Variants in POU6F2 observed in about 807,000 individuals in gnomAD.
POU6F2 encodes the protein POU domain, class 6, transcription factor 2.
POU6F2 carries 31 observed loss-of-function variants against 71.3 expected under a neutral mutation model. The ratio of observed to expected loss-of-function variants is 0.43; its 90% CI spans 0.33 to 0.59. The LOEUF (loss-of-function observed/expected upper bound fraction) is 0.59, where lower values mean the gene tolerates loss of function less well. Ranked by LOEUF, POU6F2 falls within the 20% of genes least tolerant of loss-of-function variation. The pLI is 0.04. For synonymous variants in POU6F2, 347 were observed against 355.7 expected, an observed-to-expected ratio of 0.98 and a Z score of 0.27; for missense variants, 783 against 856.8, an observed-to-expected ratio of 0.91 and a Z score of 1.07.
chr7:39,181,913 T>C (rs1793443706), intron 2 of POU6F2, among the ~76,000 whole-genome samples: 1 of 152,240 alleles, frequency 6.6e-6, no homozygotes, highest in Non-Finnish European at 1.5e-5. Context: ...TTCCCACCTC[T>C]TTCAGAAGCT....
chr7:39,440,917 G>A (rs1788387407), intron 7 of POU6F2, among the ~76,000 whole-genome samples: 1 of 152,070 alleles, frequency 6.6e-6, no homozygotes, highest in African/African-American at 2.4e-5. Flanking sequence ...GTTGCTTTCT[G>A]CTTGTTTTCC....
intron 2 of POU6F2, among the ~76,000 whole-genome samples, chr7:39,141,854 G>A (rs1319573353): frequency 2.6e-5 from 4 of 152,264 alleles, no homozygotes; most frequent in South Asian, 2.1e-4. Context: ...TTGGGAGGCC[G>A]AGGTGAGCGG....
chr7:39,115,577 A>G (rs1791911634), intron 2 of POU6F2, among the ~76,000 whole-genome samples: 1 of 152,192 alleles, frequency 6.6e-6, no homozygotes, highest in Non-Finnish European at 1.5e-5. Context: ...CTAGGATTAC[A>G]TGGAAATCTT....
chr7:39,067,108 A>G (rs1262923111), intron 1 of POU6F2, among the ~76,000 whole-genome samples: 3 of 149,772 alleles, frequency 2.0e-5, no homozygotes, highest in Admixed American at 1.3e-4. Flanking sequence ...ATGGCATTAT[A>G]TATCATCACA....
chr7:39,097,502 G>A (rs1791478717), intron 2 of POU6F2, among the ~76,000 whole-genome samples: 3 of 151,948 alleles, frequency 2.0e-5, no homozygotes, highest in Admixed American at 2.0e-4. Context: ...TCTCACTTTT[G>A]TGCCACTTTC....
At chr7:39,419,085 G>A (rs543323764) in intron 6 of POU6F2, among the ~76,000 whole-genome samples, 28 of 135,852 alleles carry the variant, frequency 2.1e-4, no homozygotes, top group Non-Finnish European at 2.2e-4. Flanking sequence ...ACATATATAC[G>A]TATATGTGTA....
chr7:39,156,224 C>T (rs575391707), intron 2 of POU6F2, among the ~76,000 whole-genome samples: 12 of 152,190 alleles, frequency 7.9e-5, no homozygotes, highest in South Asian at 6.2e-4. Flanking sequence ...ACAGTATGAT[C>T]GTAAACATGT....
intron 4 of POU6F2, among the ~76,000 whole-genome samples, chr7:39,258,650 A>G (rs1784070807): frequency 6.6e-6 from 1 of 152,092 alleles, no homozygotes; most frequent in African/African-American, 2.4e-5. Flanking sequence ...AAATTCACCA[A>G]TAGCCACAAA....
At chr7:39,055,314 C>T (rs555283511) in intron 1 of POU6F2, among the ~76,000 whole-genome samples, 47 of 152,130 alleles carry the variant, frequency 3.1e-4, no homozygotes, top group Admixed American at 5.2e-4. Context: ...AGAAAAGATG[C>T]AATGGTGGGA....
chr7:39,003,583 C>CA (rs10650128), intron 1 of POU6F2, among the ~76,000 whole-genome samples: 24,464 of 128,280 alleles, frequency 0.19, 2,395 homozygotes, highest in South Asian at 0.28. Flanking sequence ...ACTAAAAATA[C>CA]AAAAAAAAAA....
intron 1 of POU6F2, among the ~76,000 whole-genome samples, chr7:39,071,545 GACT>G (rs1790879779): frequency 6.6e-6 from 1 of 151,954 alleles, no homozygotes; most frequent in South Asian, 2.1e-4. Context: ...CAGGTATGGT[GACT>G]GACACCTGTA....
Position 39,443,225 on chromosome 7 carries a change from C to T in POU6F2, c.1321-8308C>T, listed in dbSNP as rs1485070315. 3.3e-5 allele frequency among the ~76,000 whole-genome samples: 5 copies of T among 152,300 alleles called. No individual in the cohort carries two copies. The East Asian group carries it at 7.7e-4, about 23-fold the overall frequency. ...GGAGATTAGCAACTGGAAAAAAAAGCCAGCTTCTTGGGGATGTACCTTGCA... is the reference window on the plus strand; with the variant it reads ...GGAGATTAGCAACTGGAAAAAAAAGTCAGCTTCTTGGGGATGTACCTTGCA... On this transcript the variant is annotated intron_variant, in intron 7 of 9. Coordinates refer to ENST00000518318, the MANE Select transcript of POU6F2 (RefSeq NM_001370959.1).
At chr7:39,350,803 AG>A in intron 5 of POU6F2, among the ~76,000 whole-genome samples, 1 of 152,372 alleles carries the variant, frequency 6.6e-6, no homozygotes, top group African/African-American at 2.4e-5. Flanking sequence ...CTTGCCTGGC[AG>A]GTGACTGTCT....
At chr7:39,084,473 G>C (rs570502617) in intron 1 of POU6F2, among the ~76,000 whole-genome samples, 23 of 152,172 alleles carry the variant, frequency 1.5e-4, no homozygotes, top group Non-Finnish European at 2.9e-4. Context: ...GAGTGCTTCA[G>C]CCTTAAATAG....
At chr7:39,077,415 CTGAT>C (rs1302074813) in intron 1 of POU6F2, among the ~76,000 whole-genome samples, 1 of 152,190 alleles carries the variant, frequency 6.6e-6, no homozygotes, top group African/African-American at 2.4e-5. Context: ...AAACTCCTGT[CTGAT>C]TGATTGTTAT....
intron 2 of POU6F2, among the ~76,000 whole-genome samples, chr7:39,127,357 C>A (rs1238517058): frequency 3.3e-5 from 5 of 152,156 alleles, no homozygotes; most frequent in African/African-American, 4.8e-5. Flanking sequence ...TTGGTAGTAT[C>A]TTGGCTTAGG....
In POU6F2 at chr7:39,044,036, C is replaced by T. The variant is rs572000941; in HGVS notation, c.106-41824C>T. On this transcript the variant is annotated intron_variant, in intron 1 of 9. Coordinates refer to ENST00000518318, the MANE Select transcript of POU6F2 (RefSeq NM_001370959.1). ...CCCTTCATCAGAATCACCAGGTTTCCAGGCCCTATCTCAGATGCATTGAAG... is the reference window on the plus strand; with the variant it reads ...CCCTTCATCAGAATCACCAGGTTTCTAGGCCCTATCTCAGATGCATTGAAG... 2.6e-5 allele frequency among the ~76,000 whole-genome samples: 4 copies of T among 151,954 alleles called. No homozygotes were observed. The South Asian group carries it at 8.3e-4, about 32-fold the overall frequency.
intron 6 of POU6F2, among the ~76,000 whole-genome samples, chr7:39,421,442 T>G (rs1420793940): frequency 2.6e-5 from 4 of 152,210 alleles, no homozygotes; most frequent in Non-Finnish European, 5.9e-5. Context: ...AGATGCATCT[T>G]TAATGGCACT....
At chr7:39,311,085 G>T in intron 4 of POU6F2, among the ~76,000 whole-genome samples, 1 of 152,194 alleles carries the variant, frequency 6.6e-6, no homozygotes, top group East Asian at 1.9e-4. Context: ...CCGGAGAGCA[G>T]GGAGTGGGTT....
Sources: allele counts gnomAD v4.1 joint callset (sites outside exome capture counted in the v4.1 genomes callset), GRCh38; gene constraint gnomAD v4.1.1; transcripts MANE v1.5; gene names NCBI Gene and HGNC (gene_info 2026-07-23, HGNC 2026-07-21).